Variants in DLGAP2 observed in about 807,000 individuals in gnomAD.
The protein encoded by DLGAP2 is DLG associated protein 2.
A neutral mutation model predicts 100.3 loss-of-function variants in DLGAP2; 26 were observed. The ratio of observed to expected loss-of-function variants is 0.26; its 90% CI spans 0.19 to 0.36. The LOEUF (loss-of-function observed/expected upper bound fraction) is 0.36. Among genes scored for constraint, DLGAP2 ranks in the 10% least tolerant of loss-of-function variants. The pLI is 1.00. For missense variants in DLGAP2, 1,858 were observed against 1,453.2 expected (o/e 1.28, Z -4.53); for synonymous variants, 886 against 630.1 (o/e 1.41, Z -6.08).
intron 4 of DLGAP2, among the ~76,000 whole-genome samples, chr8:1,513,488 A>G: frequency 6.6e-6 from 1 of 152,356 alleles, no homozygotes; most frequent in East Asian, 1.9e-4. Context: ...AGCACAGCCC[A>G]GCTCAGAGGG....
chr8:851,351 C>T (rs537105025), intron 1 of DLGAP2, among the ~76,000 whole-genome samples: 1 of 152,266 alleles, frequency 6.6e-6, no homozygotes, highest in East Asian at 1.9e-4. Context: ...TGCTAAGCGA[C>T]GTATGACTGA....
intron 2 of DLGAP2, among the ~76,000 whole-genome samples, chr8:1,033,770 CGCGAGTGGGTTCACACG>C (rs1802042850): frequency 6.8e-6 from 1 of 147,486 alleles, no homozygotes; most frequent in African/African-American, 2.5e-5. Flanking sequence ...CGCGTGTCAC[CGCGAGTGGGTTCACACG>C]CTCATCCCGA....
intron 3 of DLGAP2, among the ~76,000 whole-genome samples, chr8:1,266,911 G>A (rs1380360775): frequency 3.3e-5 from 5 of 152,068 alleles, no homozygotes; most frequent in Admixed American, 2.0e-4. Flanking sequence ...ACACTCAGTG[G>A]GGAGAGGGGA....
chr8:1,009,501 G>A (rs1801214959), intron 2 of DLGAP2, among the ~76,000 whole-genome samples: 1 of 152,192 alleles, frequency 6.6e-6, no homozygotes, highest in Admixed American at 6.6e-5. Flanking sequence ...ACTGAATGAT[G>A]AAGTGAAATT....
chr8:1,436,397 C>T (rs1797630029), intron 3 of DLGAP2, among the ~76,000 whole-genome samples: 1 of 152,204 alleles, frequency 6.6e-6, no homozygotes, highest in Admixed American at 6.5e-5. Flanking sequence ...TTCCACCTTC[C>T]TCTGCCTGCT....
At chr8:1,071,872 C>T (rs764645822) in intron 2 of DLGAP2, among the ~76,000 whole-genome samples, 4 of 152,218 alleles carry the variant, frequency 2.6e-5, no homozygotes, top group Non-Finnish European at 5.9e-5. Context: ...TGACCTGGCC[C>T]TGCAAGCTGC....
intron 3 of DLGAP2, among the ~76,000 whole-genome samples, chr8:1,437,027 C>T (rs941437296): frequency 6.6e-6 from 1 of 152,002 alleles, no homozygotes; most frequent in Non-Finnish European, 1.5e-5. Context: ...TCCGGGTCTG[C>T]GTTCAGCCCA....
In DLGAP2 at chr8:1,538,381, T is replaced by C. The variant is rs561661013; in HGVS notation, c.173-10245T>C. 3.9e-5 allele frequency among the ~76,000 whole-genome samples: 6 copies of C among 152,302 alleles called. No individual in the cohort carries two copies. In the South Asian group the frequency reaches 1.0e-3, roughly 26 times the overall value. On this transcript the variant is annotated intron_variant, in intron 4 of 14. Coordinates refer to ENST00000637795, the MANE Select transcript of DLGAP2 (RefSeq NM_001346810.2). ...AAAAGGCTGGGCACATTTTAAAACA[T>C]GTTCTCTCCACAAACACAGAATTCC... is the stretch of plus-strand genomic sequence containing the variant.
intron 2 of DLGAP2, among the ~76,000 whole-genome samples, chr8:1,155,995 G>A (rs1796776933): frequency 6.6e-6 from 1 of 152,186 alleles, no homozygotes; most frequent in African/African-American, 2.4e-5. Flanking sequence ...CCGTCGCAGA[G>A]GGCCTGTGGG....
intron 6 of DLGAP2, among the ~76,000 whole-genome samples, chr8:1,571,249 G>T (rs1802661018): frequency 7.2e-6 from 1 of 139,684 alleles, no homozygotes; most frequent in Admixed American, 7.2e-5. Context: ...ATGGAGAAGA[G>T]AGAGGGGTGA....
chr8:1,184,559 A>G (rs58867660), intron 2 of DLGAP2, among the ~76,000 whole-genome samples: 18,290 of 152,190 alleles, frequency 0.12, 2,170 homozygotes, highest in African/African-American at 0.31. Flanking sequence ...TCTAGTGACC[A>G]CAGAACGGGT....
intron 1 of DLGAP2, among the ~76,000 whole-genome samples, chr8:897,207 C>G (rs538627406): frequency 1.3e-5 from 2 of 152,178 alleles, no homozygotes; most frequent in Non-Finnish European, 2.9e-5. Context: ...CGCACTCAAT[C>G]CCTTATTTCA....
Position 1,701,407 on chromosome 8 carries a change from G to A in DLGAP2, c.*1G>A, listed in dbSNP as rs1165132043. The A allele has an allele frequency of 4.4e-6, 7 of 1,583,476 alleles. No individual in the cohort carries two copies. Among genetic ancestry groups the A allele is most frequent in the East Asian group, 2.3e-5 (1 of 43,274 alleles). On this transcript the variant is annotated 3_prime_UTR_variant, in exon 15 of 15. Coordinates refer to ENST00000637795, the MANE Select transcript of DLGAP2 (RefSeq NM_001346810.2). ...CCCCGAGGCCCAGACCCGGCTCTGA[G>A]GGCGGAGGCCGGCGCCTTCCCCTCG...
At chr8:1,342,897 G>T (rs571326073) in intron 3 of DLGAP2, among the ~76,000 whole-genome samples, 4 of 152,062 alleles carry the variant, frequency 2.6e-5, no homozygotes, top group Non-Finnish European at 5.9e-5. Context: ...GCTTTCTGCC[G>T]TCTTTGCCGT....
In DLGAP2 at chr8:1,322,703, T is replaced by C. The variant is rs150235499; in HGVS notation, c.106+63820T>C. ...CGTCCTGCCTCTGTGACTTCACACA[T>C]GTTGTTCCTTCAGCCTAAGATGATT... On this transcript the variant is annotated intron_variant, in intron 3 of 14. Transcript: ENST00000637795. Among the ~76,000 whole-genome samples, 1,280 of 152,360 alleles carry C rather than the reference T, an allele frequency of 8.4e-3. 14 individuals carry two copies. Among genetic ancestry groups the C allele is most frequent in the African/African-American group, 0.029 (1,218 of 41,596 alleles).
intron 2 of DLGAP2, among the ~76,000 whole-genome samples, chr8:965,613 G>A (rs13274099): frequency 0.43 from 41,952 of 97,872 alleles, 8,139 homozygotes; most frequent in Admixed American, 0.59. Context: ...CCTGAGTCTG[G>A]CCCCGCACTG....
chr8:1,575,554 G>A (rs925643310), intron 6 of DLGAP2, among the ~76,000 whole-genome samples: 2 of 150,182 alleles, frequency 1.3e-5, no homozygotes, highest in African/African-American at 4.9e-5. Context: ...GTGCCATGTT[G>A]GTGTGCTGTA....
At chr8:1,021,298 C>T (rs4471071) in intron 2 of DLGAP2, among the ~76,000 whole-genome samples, 5,884 of 152,118 alleles carry the variant, frequency 0.039, 315 homozygotes, top group African/African-American at 0.13. Context: ...CCCTAAAATA[C>T]GATATATTTT....
chr8:998,190 A>C (rs1200547543), intron 2 of DLGAP2, among the ~76,000 whole-genome samples: 5 of 152,274 alleles, frequency 3.3e-5, no homozygotes, highest in Admixed American at 6.5e-5. Context: ...GTGCATGCAC[A>C]CATAAATACA....
Sources: allele counts gnomAD v4.1 joint callset (sites outside exome capture counted in the v4.1 genomes callset), GRCh38; gene constraint gnomAD v4.1.1; transcripts MANE v1.5; gene names NCBI Gene and HGNC (gene_info 2026-07-23, HGNC 2026-07-21).